FAM78B: variants seen among roughly 807,000 people sequenced by gnomAD.
The protein encoded by FAM78B is protein FAM78B.
A neutral mutation model predicts 20.0 loss-of-function variants in FAM78B; 10 were observed. That is an observed-to-expected ratio of 0.50 (90% CI 0.31 to 0.85). FAM78B has a LOEUF of 0.85. Among genes scored for constraint, FAM78B ranks in the 40% least tolerant of loss-of-function variants. FAM78B has a pLI of 0.05. For synonymous variants in FAM78B, 135 were observed against 132.8 expected, an observed-to-expected ratio of 1.02 and a Z score of -0.12; for missense variants, 283 against 345.0, an observed-to-expected ratio of 0.82 and a Z score of 1.42.
At chr1:166,151,501 T>C (rs773223387) in intron 1 of FAM78B, among the ~76,000 whole-genome samples, 1 of 152,164 alleles carries the variant, frequency 6.6e-6, no homozygotes, top group Non-Finnish European at 1.5e-5. Context: ...GCCCTAAACA[T>C]TCCTGGGTTC....
In FAM78B at chr1:166,134,532, T is replaced by TAA. The variant is rs1655002540; in HGVS notation, c.263+31452_263+31453dup. On this transcript the variant is annotated intron_variant, in intron 1 of 1. Transcript: ENST00000354422. ...ATTAAAGTAGTAATAATAATAATAATAATAATAATAAGTATAAGGTTAAAC... is the reference window on the plus strand; with the variant it reads ...ATTAAAGTAGTAATAATAATAATAATAAAATAATAATAAGTATAAGGTTAAAC... Among the ~76,000 whole-genome samples the TAA allele has an allele frequency of 3.3e-5, 5 of 151,688 alleles. No individual in the cohort carries two copies. In the Admixed American group the frequency reaches 3.3e-4, roughly 10 times the overall value.
chr1:166,122,119 A>G (rs1373327533), intron 1 of FAM78B, among the ~76,000 whole-genome samples: 1 of 152,210 alleles, frequency 6.6e-6, no homozygotes, highest in Non-Finnish European at 1.5e-5. Flanking sequence ...GAAAGTTGGA[A>G]GTGAGTCAGG....
rs1370661233 is a variant in FAM78B at position 166,086,863 on chromosome 1, G to T, written c.264-16100C>A. On this transcript the variant is annotated intron_variant, in intron 1 of 1. Coordinates refer to ENST00000354422, the MANE Select transcript of FAM78B (RefSeq NM_001017961.5). ...CGTGTGGACAGAGGAATTCACATGG[G>T]TATTATCAAACTAGAGGGGCAGAGA... 2.0e-5 allele frequency among the ~76,000 whole-genome samples: 3 copies of T among 152,214 alleles called. No individual in the cohort carries two copies. The East Asian group carries it at 5.8e-4, about 29-fold the overall frequency.
chr1:166,121,335 C>T (rs892867150), intron 1 of FAM78B, among the ~76,000 whole-genome samples: 1 of 152,152 alleles, frequency 6.6e-6, no homozygotes, highest in East Asian at 1.9e-4. Context: ...TCACCTCGGT[C>T]ACTCTTGGAC....
intron 1 of FAM78B, among the ~76,000 whole-genome samples, chr1:166,104,388 C>A (rs1474670740): frequency 1.3e-5 from 2 of 152,094 alleles, no homozygotes; most frequent in Non-Finnish European, 2.9e-5. Flanking sequence ...ATAGGGTATT[C>A]AATTAGGAAA....
intron 1 of FAM78B, among the ~76,000 whole-genome samples, chr1:166,123,088 CA>C (rs972213256): frequency 4.6e-5 from 7 of 152,338 alleles, no homozygotes; most frequent in African/African-American, 1.7e-4. Context: ...AGCAGAGCAG[CA>C]GGGGGTAGAT....
intron 1 of FAM78B, among the ~76,000 whole-genome samples, chr1:166,122,338 G>A (rs1360930223): frequency 6.6e-6 from 1 of 152,176 alleles, no homozygotes; most frequent in Non-Finnish European, 1.5e-5. Context: ...AGTGATGATA[G>A]CTGCCCTTGA....
intron 1 of FAM78B, among the ~76,000 whole-genome samples, chr1:166,131,659 G>T (rs142889759): frequency 6.5e-4 from 99 of 152,316 alleles, no homozygotes; most frequent in African/African-American, 2.3e-3. Flanking sequence ...GAAGAAGACT[G>T]GGGAGAACTA....
At chr1:166,151,553 T>C (rs759548982) in intron 1 of FAM78B, among the ~76,000 whole-genome samples, 1 of 152,194 alleles carries the variant, frequency 6.6e-6, no homozygotes, top group African/African-American at 2.4e-5. Flanking sequence ...AGCAGTGAGT[T>C]TGTCCAATTG....
intron 1 of FAM78B, among the ~76,000 whole-genome samples, chr1:166,102,756 A>T (rs10918352): frequency 0.19 from 29,516 of 151,898 alleles, 3,224 homozygotes; most frequent in East Asian, 0.37. Context: ...CACAATAATA[A>T]CGGGAGACAT....
chr1:166,096,934 T>A (rs1213213080), intron 1 of FAM78B, among the ~76,000 whole-genome samples: 1 of 152,046 alleles, frequency 6.6e-6, no homozygotes, highest in Non-Finnish European at 1.5e-5. Flanking sequence ...AAGCTGTAGG[T>A]CCAGATCGAC....
At chr1:166,156,560 T>A (rs570607643) in intron 1 of FAM78B, among the ~76,000 whole-genome samples, 1 of 152,344 alleles carries the variant, frequency 6.6e-6, no homozygotes, top group African/African-American at 2.4e-5. Flanking sequence ...TCAGCTTGCT[T>A]ATCTGAAATA....
intron 1 of FAM78B, among the ~76,000 whole-genome samples, chr1:166,124,982 C>CA (rs1278701744): frequency 6.6e-6 from 1 of 152,222 alleles, no homozygotes; most frequent in Non-Finnish European, 1.5e-5. Context: ...CTTCCCAACT[C>CA]AGCTATACTT....
chr1:166,140,178 C>A (rs557795550), intron 1 of FAM78B, among the ~76,000 whole-genome samples: 1 of 152,188 alleles, frequency 6.6e-6, no homozygotes, highest in African/African-American at 2.4e-5. Context: ...GCTCTCTACC[C>A]CAGCAAGGCT....
chr1:166,133,391 T>C (rs964506359), intron 1 of FAM78B, among the ~76,000 whole-genome samples: 5 of 152,200 alleles, frequency 3.3e-5, no homozygotes, highest in African/African-American at 1.2e-4. Flanking sequence ...GACAGATGTA[T>C]GTTAGAGGTA....
At chr1:166,119,737 G>T (rs908422647) in intron 1 of FAM78B, among the ~76,000 whole-genome samples, 1 of 152,188 alleles carries the variant, frequency 6.6e-6, no homozygotes, top group African/African-American at 2.4e-5. Context: ...AAGCGCATCA[G>T]CAGTTCTAAC....
chr1:166,089,602 T>C (rs1436048523), intron 1 of FAM78B, among the ~76,000 whole-genome samples: 1 of 151,462 alleles, frequency 6.6e-6, no homozygotes, highest in East Asian at 2.0e-4. Context: ...GCATGGCCTG[T>C]TTTGAGGCTC....
At chr1:166,114,681 T>C (rs538492469) in intron 1 of FAM78B, among the ~76,000 whole-genome samples, 1 of 152,142 alleles carries the variant, frequency 6.6e-6, no homozygotes, top group East Asian at 1.9e-4. Context: ...CTTTACTCAT[T>C]CCTCCCTGTG....
chr1:166,132,619 A>G (rs956064217), intron 1 of FAM78B, among the ~76,000 whole-genome samples: 1 of 152,170 alleles, frequency 6.6e-6, no homozygotes, highest in Non-Finnish European at 1.5e-5. Context: ...CAATGAATGA[A>G]TCTCCACCTA....
Sources: allele counts gnomAD v4.1 joint callset (sites outside exome capture counted in the v4.1 genomes callset), GRCh38; gene constraint gnomAD v4.1.1; transcripts MANE v1.5; gene names NCBI Gene and HGNC (gene_info 2026-07-23, HGNC 2026-07-21).